Variants in KCNIP4 observed in about 807,000 individuals in gnomAD.
KCNIP4 encodes Kv channel-interacting protein 4.
A neutral mutation model predicts 34.0 loss-of-function variants in KCNIP4; 12 were observed. The observed-to-expected ratio is 0.35, with a 90% CI of 0.23 to 0.57. The LOEUF (loss-of-function observed/expected upper bound fraction) is 0.57, where lower values mean the gene tolerates loss of function less well. KCNIP4 is among the 20% of genes least tolerant of loss of function. The probability of loss-of-function intolerance (pLI) is 0.83; values close to 1 mark genes in which losing one functional copy is unlikely to be tolerated. For missense variants in KCNIP4, 238 were observed against 311.7 expected (o/e 0.76, Z 1.78); for synonymous variants, 124 against 102.2 (o/e 1.21, Z -1.29).
intron 5 of KCNIP4, among the ~76,000 whole-genome samples, chr4:20,740,848 T>C (rs192270087): frequency 3.3e-5 from 5 of 151,950 alleles, no homozygotes; most frequent in African/African-American, 1.2e-4. Flanking sequence ...GAGACAAACA[T>C]AGGCTCAAAA....
At chr4:21,193,858 A>G (rs1277482512) in intron 1 of KCNIP4, among the ~76,000 whole-genome samples, 1 of 152,186 alleles carries the variant, frequency 6.6e-6, no homozygotes, top group Admixed American at 6.5e-5. Context: ...GGCGTGAGCC[A>G]CAGCGCCTGG....
chr4:20,868,216 C>T (rs1244269364), intron 2 of KCNIP4, among the ~76,000 whole-genome samples: 1 of 151,968 alleles, frequency 6.6e-6, no homozygotes, highest in African/African-American at 2.4e-5. Flanking sequence ...CAAAAGAAGA[C>T]ACAGAGGTGG....
chr4:21,577,215 A>C (rs1392501799), intron 1 of KCNIP4, among the ~76,000 whole-genome samples: 1 of 152,152 alleles, frequency 6.6e-6, no homozygotes, highest in Non-Finnish European at 1.5e-5. Context: ...CTGTCTGAAA[A>C]ACCCTTGACT....
intron 1 of KCNIP4, among the ~76,000 whole-genome samples, chr4:21,825,427 C>T (rs771091634): frequency 3.9e-5 from 6 of 152,022 alleles, no homozygotes; most frequent in South Asian, 2.1e-4. Context: ...TATTTGTAGA[C>T]GATGATATAC....
In KCNIP4 at chr4:21,369,552, G is replaced by A. The variant is rs1266991950; in HGVS notation, c.62-486843C>T. Among the ~76,000 whole-genome samples the A allele has an allele frequency of 1.4e-5, 2 of 146,886 alleles. 1 individual carries two copies. Among genetic ancestry groups the A allele is most frequent in the East Asian group, 4.0e-4 (2 of 5,028 alleles). ...GTTGAGACTGCAGTGAGCCATGATTGTACCTTTACACTCCAGCCTGGGTGC... is the reference window on the plus strand; with the variant it reads ...GTTGAGACTGCAGTGAGCCATGATTATACCTTTACACTCCAGCCTGGGTGC... On this transcript the variant is annotated intron_variant, in intron 1 of 8. Coordinates refer to ENST00000382152, the MANE Select transcript of KCNIP4 (RefSeq NM_025221.6).
chr4:21,037,616 C>G (rs972374570), intron 1 of KCNIP4, among the ~76,000 whole-genome samples: 1 of 152,156 alleles, frequency 6.6e-6, no homozygotes, highest in African/African-American at 2.4e-5. Flanking sequence ...TTTCTTATAA[C>G]GTATTCTCAT....
intron 1 of KCNIP4, among the ~76,000 whole-genome samples, chr4:21,008,914 G>C (rs1431646166): frequency 6.6e-6 from 1 of 151,974 alleles, no homozygotes; most frequent in Non-Finnish European, 1.5e-5. Context: ...CAAGCACTTT[G>C]TTCTTAGACT....
chr4:21,244,667 A>G (rs1476567296), intron 1 of KCNIP4, among the ~76,000 whole-genome samples: 1 of 152,212 alleles, frequency 6.6e-6, no homozygotes, highest in Non-Finnish European at 1.5e-5. Context: ...GATTCTAAAA[A>G]TATTTCTTTT....
intron 1 of KCNIP4, among the ~76,000 whole-genome samples, chr4:21,620,782 T>G (rs1410948186): frequency 6.6e-6 from 1 of 152,212 alleles, no homozygotes; most frequent in Non-Finnish European, 1.5e-5. Flanking sequence ...GCTCTAGTTT[T>G]TACAGCTGTT....
At chr4:20,981,589 T>A (rs920738330) in intron 1 of KCNIP4, among the ~76,000 whole-genome samples, 1 of 152,208 alleles carries the variant, frequency 6.6e-6, no homozygotes, top group African/African-American at 2.4e-5. Flanking sequence ...ACATTTGCCT[T>A]ATGACAAGTC....
intron 1 of KCNIP4, among the ~76,000 whole-genome samples, chr4:21,121,362 C>T (rs1163097208): frequency 6.6e-6 from 1 of 152,112 alleles, no homozygotes; most frequent in Non-Finnish European, 1.5e-5. Flanking sequence ...GTTGATGGGC[C>T]ATTATGATTA....
intron 1 of KCNIP4, among the ~76,000 whole-genome samples, chr4:20,899,310 A>G (rs936989027): frequency 6.6e-6 from 1 of 152,158 alleles, no homozygotes; most frequent in Non-Finnish European, 1.5e-5. Flanking sequence ...TGCTAATTTG[A>G]TTTTTAGTAA....
chr4:21,519,211 G>C (rs1001189104), intron 1 of KCNIP4, among the ~76,000 whole-genome samples: 2 of 151,942 alleles, frequency 1.3e-5, no homozygotes, highest in Non-Finnish European at 2.9e-5. Context: ...CCTTATAAAA[G>C]AGGTCCCAGG....
At chr4:21,241,751 G>C (rs1329099761) in intron 1 of KCNIP4, among the ~76,000 whole-genome samples, 2 of 152,152 alleles carry the variant, frequency 1.3e-5, no homozygotes, top group Admixed American at 1.3e-4. Flanking sequence ...TGAGGTACCA[G>C]CTAGAAGTTC....
chr4:21,334,658 C>T (rs1195182436), intron 1 of KCNIP4, among the ~76,000 whole-genome samples: 4 of 152,046 alleles, frequency 2.6e-5, no homozygotes, highest in Admixed American at 6.6e-5. Context: ...CTCATGCTTA[C>T]TTACAGTAAC....
chr4:20,880,743 AAAGCAATGACTCTAAT>A (rs1390964209), intron 2 of KCNIP4, among the ~76,000 whole-genome samples: 1 of 152,238 alleles, frequency 6.6e-6, no homozygotes, highest in Non-Finnish European at 1.5e-5. Flanking sequence ...TGAAAGGAGA[AAAGCAATGACTCTAAT>A]AACCAACAAT....
chr4:21,094,197 G>C (rs1747267540), intron 1 of KCNIP4, among the ~76,000 whole-genome samples: 1 of 152,082 alleles, frequency 6.6e-6, no homozygotes, highest in Admixed American at 6.6e-5. Context: ...AACCCCTCTA[G>C]TTCAAAACAG....
At chr4:21,074,586 C>A (rs1193783344) in intron 1 of KCNIP4, among the ~76,000 whole-genome samples, 3 of 152,094 alleles carry the variant, frequency 2.0e-5, no homozygotes, top group Admixed American at 2.0e-4. Context: ...TTCAAAAAAC[C>A]AGCTCCTGGA....
At chr4:21,602,629 C>A (rs1210638813) in intron 1 of KCNIP4, among the ~76,000 whole-genome samples, 1 of 152,004 alleles carries the variant, frequency 6.6e-6, no homozygotes, top group Non-Finnish European at 1.5e-5. Context: ...ATAATTAATC[C>A]TTATTATATT....
Sources: allele counts gnomAD v4.1 joint callset (sites outside exome capture counted in the v4.1 genomes callset), GRCh38; gene constraint gnomAD v4.1.1; transcripts MANE v1.5; gene names NCBI Gene and HGNC (gene_info 2026-07-23, HGNC 2026-07-21).